Variants in TSPOAP1 observed in about 807,000 individuals in gnomAD.
The protein encoded by TSPOAP1 is peripheral-type benzodiazepine receptor-associated protein 1.
TSPOAP1 carries 87 observed loss-of-function variants against 197.0 expected under a neutral mutation model. The observed-to-expected ratio is 0.44, with a 90% confidence interval of 0.37 to 0.53. TSPOAP1 has a LOEUF of 0.53. Among genes scored for constraint, TSPOAP1 ranks in the 20% least tolerant of loss-of-function variants. The probability of loss-of-function intolerance (pLI) is 0.00; values close to 1 mark genes in which losing one functional copy is unlikely to be tolerated. For missense variants in TSPOAP1, 2,174 were observed against 2,411.3 expected, an observed-to-expected ratio of 0.90 and a Z score of 2.06; for synonymous variants, 913 against 998.9, an observed-to-expected ratio of 0.91 and a Z score of 1.62.
chr17:58,322,232 A>G lies in TSPOAP1; in HGVS notation c.1422+76T>C. On this transcript the variant is annotated intron_variant, in intron 10 of 31. Coordinates refer to ENST00000343736, the MANE Select transcript of TSPOAP1 (RefSeq NM_004758.4). This position sits in a 1 kb window ranked among gnomAD's most constrained non-coding sequence, Gnocchi z 5.0. The stretch of plus-strand genomic sequence containing the variant: ...ACGCCTAGCACAGTGCCGGGCACAC[A>G]GTAAATGCTTGTGGAATGAGTGAGT... The G allele has an allele frequency of 6.9e-7, 1 of 1,445,814 alleles. No individual in the cohort carries two copies. Among genetic ancestry groups the G allele is most frequent in the Non-Finnish European group, 9.5e-7 (1 of 1,047,622 alleles). 89.6% of individuals were successfully genotyped at this position (1,445,814 alleles called of 1,614,324 possible). A position where few individuals can be genotyped will look rare whatever the true frequency, so the allele number is the denominator to read the frequency against.
chr17:58,306,428 CAG>C lies in TSPOAP1; in HGVS notation c.5153-17_5153-16del, dbSNP rs1329826579. ...CGGACCATTCCCTGATCCAGAAAAG[CAG>C]AGAGAAAGCGAGGCAGGGGAGGTGG... On this transcript the variant is annotated splice_polypyrimidine_tract_variant and intron_variant, in intron 25 of 31. Transcript: ENST00000343736. 1 of 1,552,560 alleles carries C rather than the reference CAG, an allele frequency of 6.4e-7. No homozygotes were observed. The highest frequency in any genetic ancestry group is 8.7e-7 in the Non-Finnish European group (1 of 1,147,082).
In TSPOAP1 at chr17:58,326,541, AG is replaced by A. The variant is rs1194197424; in HGVS notation, c.442-121del. 2 of 1,544,490 alleles carry A rather than the reference AG, an allele frequency of 1.3e-6. No homozygotes were observed. The highest frequency in any genetic ancestry group is 2.7e-5 in the African/African-American group (2 of 73,096). On this transcript the variant is annotated intron_variant, in intron 2 of 31. Transcript: ENST00000343736. The surrounding 1 kb of genome is among the most constrained non-coding windows in gnomAD (Gnocchi z 4.7). ...AGTGGGGTCCTTGGCAACTCTAGGCAGGGGTTCACCCTCTCTGGGTCTCAGG... is the reference window on the plus strand; with the variant it reads ...AGTGGGGTCCTTGGCAACTCTAGGCAGGGTTCACCCTCTCTGGGTCTCAGG...
chr17:58,323,705 C>T (rs1311977513), intron 5 of TSPOAP1, among the ~76,000 whole-genome samples, 160 bp from the exon 6 acceptor site: 4 of 152,232 alleles, frequency 2.6e-5, no homozygotes, highest in African/African-American at 9.6e-5. Flanking sequence ...GCCCACCCAC[C>T]TCCCATTGTC....
chr17:58,311,539 C>G (rs776619602), intron 18 of TSPOAP1, 32 bp downstream of exon 18: 3 of 1,527,448 alleles, frequency 2.0e-6, no homozygotes, highest in African/African-American at 2.8e-5. Flanking sequence ...GGACCCACCC[C>G]CACTCCCAGG....
At chr17:58,319,358 T>C in intron 12 of TSPOAP1, 64 bp from the exon 13 acceptor site, 1 of 1,493,270 alleles carries the variant, frequency 6.7e-7, no homozygotes, top group Non-Finnish European at 9.0e-7. Flanking sequence ...GCCCGTGCCA[T>C]CTGTACACAG....
In TSPOAP1 at chr17:58,304,542, C is replaced by A; in HGVS notation, c.5545-143G>T. 1.4e-6 allele frequency: 1 copy of A among 702,650 alleles called. No homozygotes were observed. Among genetic ancestry groups the A allele is most frequent in the Non-Finnish European group, 2.6e-6 (1 of 386,542 alleles). The allele number at this position is 702,650 out of a possible 1,614,324, so 43.5% of individuals were successfully genotyped here. A position where few individuals can be genotyped will look rare whatever the true frequency, so the allele number is the denominator to read the frequency against. ...CACATGGAAGCCCTGAGTTTTCTGG[C>A]TGGGGCTTGGCCTCTTCACCCTCTC... On this transcript the variant is annotated intron_variant, in intron 30 of 31. Transcript: ENST00000343736. This position sits in a 1 kb window ranked among gnomAD's most constrained non-coding sequence, Gnocchi z 4.2.
intron 13 of TSPOAP1, among the ~76,000 whole-genome samples, chr17:58,318,790 C>T (rs1234423152): frequency 6.6e-6 from 1 of 152,164 alleles, no homozygotes; most frequent in Non-Finnish European, 1.5e-5. Context: ...CCCAAGCCCC[C>T]ACTCTGCACA....
intron 27 of TSPOAP1, 32 bp downstream of exon 27, chr17:58,305,801 C>T: frequency 6.2e-7 from 1 of 1,611,906 alleles, no homozygotes; most frequent in Non-Finnish European, 8.5e-7. Flanking sequence ...ATCTCCTTCC[C>T]CAGCCTCCCG....
rs143815012 is a variant in TSPOAP1, at chr17:58,327,704, C to A, written c.217G>T (p.Gly73Trp). ...TCTGCTCCTTCAGGGTCAGTTCCCCCCACGGGCCTGGAGCTCCCGTCTCCT... is the reference window on the plus strand; with the variant it reads ...TCTGCTCCTTCAGGGTCAGTTCCCCACACGGGCCTGGAGCTCCCGTCTCCT... ...PKGDGSSRPV[G>W]GTDPEGAEAC... Residue 73 changes from glycine to tryptophan, a missense_variant, in exon 1 of 32, where the codon GGG becomes TGG. Gly to Trp is a radical substitution (Grantham distance 184). Around this residue, in one of 5 missense-constraint regions of TSPOAP1, gnomAD observed 1,933 missense variants for 2,139.0 expected, o/e 0.90. Coordinates refer to ENST00000343736, the MANE Select transcript of TSPOAP1 (RefSeq NM_004758.4). The A allele has an allele frequency of 2.0e-5, 32 of 1,614,008 alleles. No homozygotes were observed. Among genetic ancestry groups the A allele is most frequent in the Non-Finnish European group, 5.1e-6 (6 of 1,180,048 alleles).
chr17:58,323,863 T>C (rs1490472315), intron 5 of TSPOAP1, among the ~76,000 whole-genome samples: 2 of 152,228 alleles, frequency 1.3e-5, no homozygotes, highest in Non-Finnish European at 2.9e-5. Flanking sequence ...GCAGCCCTGC[T>C]CTGCACTCAA....
At position 58,326,237 on chromosome 17, in the gene TSPOAP1, C is replaced by T; in HGVS notation, c.570+56G>A. 6.2e-7 allele frequency: 1 copy of T among 1,604,984 alleles called. No homozygotes were observed. The highest frequency in any genetic ancestry group is 1.1e-5 in the South Asian group (1 of 89,692). On this transcript the variant is annotated intron_variant, in intron 3 of 31. Coordinates refer to ENST00000343736, the MANE Select transcript of TSPOAP1 (RefSeq NM_004758.4). The surrounding 1 kb of genome is among the most constrained non-coding windows in gnomAD (Gnocchi z 4.7). Reference sequence around the variant, plus strand: ...CTTCAGACAGCCCTCAGGCCCAGCCCTGGCTCCCCTCTTCCTTGGTCACCC... The same window carrying T: ...CTTCAGACAGCCCTCAGGCCCAGCCTTGGCTCCCCTCTTCCTTGGTCACCC...
In TSPOAP1 at chr17:58,310,016, G is replaced by A; in HGVS notation, c.3842C>T (p.Ser1281Phe). The change falls in exon 21 of 32, where the codon TCC becomes TTC. Residue 1281 changes from serine (S) to phenylalanine (F), a missense_variant. Transcript: ENST00000343736. Reference sequence around the variant, plus strand: ...GTTGCCAGCAACCTGCTTCTGGAAGGAGCAAGTCCTGGAACCCAGCTCCTC... The same window carrying A: ...GTTGCCAGCAACCTGCTTCTGGAAGAAGCAAGTCCTGGAACCCAGCTCCTC... ...EEEELGSRTC[S>F]FQKQVAGNSI... 6.2e-7 allele frequency: 1 copy of A among 1,613,712 alleles called. No homozygotes were observed. The highest frequency in any genetic ancestry group is 1.3e-5 in the African/African-American group (1 of 75,042).
In TSPOAP1 at chr17:58,320,279, C is replaced by G; in HGVS notation, c.1474-150G>C. 2.8e-6 allele frequency: 3 copies of G among 1,070,778 alleles called. No individual in the cohort carries two copies. The South Asian group carries it at 4.3e-5, about 15-fold the overall frequency. 66.3% of individuals were successfully genotyped at this position (1,070,778 alleles called of 1,614,324 possible). A position where few individuals can be genotyped will look rare whatever the true frequency, so the allele number is the denominator to read the frequency against. The stretch of plus-strand genomic sequence containing the variant: ...GCAGTTCCTAAATGGAAGGATATCT[C>G]AGGGTGAAGGCAGCCTCTGGGGGTG... On this transcript the variant is annotated intron_variant, in intron 11 of 31. Transcript: ENST00000343736.
rs61743272 is a variant in TSPOAP1 at position 58,327,663 on chromosome 17, G to A, written c.258C>T (p.Ser86=). ...CAGAGCTGGATGCTTGCTGGCCCAGGCTGGGCAGACAAGCCTCTGCTCCTT... is the reference window on the plus strand; with the variant it reads ...CAGAGCTGGATGCTTGCTGGCCCAGACTGGGCAGACAAGCCTCTGCTCCTT... ...DPEGAEACLP[S]LGQQASSSGP... The change falls in exon 1 of 32, where the codon AGC becomes AGT. Residue 86 remains serine (S), a synonymous_variant. Coordinates refer to ENST00000343736, the MANE Select transcript of TSPOAP1 (RefSeq NM_004758.4). 59,785 of 1,613,646 alleles carry A rather than the reference G, an allele frequency of 0.037. 1,232 individuals are homozygous for A. The highest frequency in any genetic ancestry group is 0.057 in the East Asian group (2,569 of 44,872).
rs1443713615 is a variant in TSPOAP1 at position 58,311,079 on chromosome 17, A to G, written c.3216T>C (p.Ala1072=). The G allele has an allele frequency of 6.3e-7, 1 of 1,580,770 alleles. No individual in the cohort carries two copies. The change falls in exon 19 of 32, where the codon GCT becomes GCC. Residue 1072 remains alanine (A), a synonymous_variant. Coordinates refer to ENST00000343736, the MANE Select transcript of TSPOAP1 (RefSeq NM_004758.4). ...CCGGAGCCAGGGCGGGAGTGATAGGAGCCGGGATGGAGTCCGCCGACTCCC... is the reference window on the plus strand; with the variant it reads ...CCGGAGCCAGGGCGGGAGTGATAGGGGCCGGGATGGAGTCCGCCGACTCCC... ...PHGESADSIP[A]PITPALAPAS...
chr17:58,320,483 C>T (rs762556356), intron 11 of TSPOAP1, 48 bp downstream of exon 11: 2 of 1,478,326 alleles, frequency 1.4e-6, no homozygotes, highest in African/African-American at 2.8e-5. Flanking sequence ...AGGACCCCCG[C>T]CTTCCTCCCA....
chr17:58,325,392 G>C (rs1233519735), intron 4 of TSPOAP1, 142 bp downstream of exon 4: 1 of 1,057,248 alleles, frequency 9.5e-7, no homozygotes, highest in Non-Finnish European at 1.4e-6. Flanking sequence ...TCCCACCTGG[G>C]CCGTTGCCAG....
intron 29 of TSPOAP1, 92 bp downstream of exon 29, chr17:58,305,295 T>C (rs1239369205): frequency 1.3e-6 from 2 of 1,533,140 alleles, no homozygotes; most frequent in African/African-American, 1.4e-5. Context: ...CCCGTTCCAT[T>C]CCTCCGGACT....
At chr17:58,310,465 CA>C (rs1971045186) in intron 20 of TSPOAP1, 46 bp downstream of exon 20, 5 of 1,598,162 alleles carry the variant, frequency 3.1e-6, no homozygotes, top group Middle Eastern at 1.7e-4. Flanking sequence ...GGTAGGGAGA[CA>C]GGCCTCAATT....
Sources: allele counts gnomAD v4.1 joint callset (sites outside exome capture counted in the v4.1 genomes callset), GRCh38; gene constraint gnomAD v4.1.1; regional missense constraint gnomAD v4.1.1; non-coding constraint Gnocchi (gnomAD v3.1); transcripts MANE v1.5; gene names NCBI Gene and HGNC (gene_info 2026-07-23, HGNC 2026-07-21).